The following LAMA1 variants were observed in gnomAD, a reference collection of about 807,000 sequenced individuals.
LAMA1 encodes the protein laminin subunit alpha 1.
A neutral mutation model predicts 348.7 loss-of-function variants in LAMA1; 219 were observed. The observed-to-expected ratio is 0.63, with a 90% CI of 0.56 to 0.70. LAMA1 has a LOEUF of 0.70. Ranked by LOEUF, LAMA1 falls within the 30% of genes least tolerant of loss-of-function variation. The probability of loss-of-function intolerance (pLI) is 0.00; values close to 1 mark genes in which losing one functional copy is unlikely to be tolerated. For missense variants in LAMA1, 3,744 were observed against 3,888.0 expected (o/e 0.96, Z 0.99); for synonymous variants, 1,487 against 1,491.0 (o/e 1.00, Z 0.06).
chr18:6,943,897 A>T (rs1009496460), intron 61 of LAMA1, among the ~76,000 whole-genome samples: 1 of 151,716 alleles, frequency 6.6e-6, no homozygotes, highest in Non-Finnish European at 1.5e-5. Context: ...CCCAAATTCC[A>T]GAAAGCGCAA....
intron 16 of LAMA1, among the ~76,000 whole-genome samples, chr18:7,027,938 A>T (rs972128173): frequency 1.6e-4 from 25 of 152,288 alleles, no homozygotes; most frequent in Middle Eastern, 3.4e-3. Context: ...GAGAGACTCC[A>T]TCTCAAAACA....
chr18:7,037,251 A>T (rs576972796), intron 12 of LAMA1, among the ~76,000 whole-genome samples: 43 of 152,248 alleles, frequency 2.8e-4, no homozygotes, highest in Non-Finnish European at 5.1e-4. Flanking sequence ...GGCAAACTAA[A>T]CAAAGCGGGA....
At chr18:7,095,968 T>C (rs924747960) in intron 1 of LAMA1, among the ~76,000 whole-genome samples, 3 of 152,190 alleles carry the variant, frequency 2.0e-5, no homozygotes, top group Non-Finnish European at 2.9e-5. Context: ...CTCAGAAGGC[T>C]GAGGCAGGGG....
At chr18:7,016,369 C>T (rs974985407) in intron 21 of LAMA1, 122 bp downstream of exon 21, 15 of 1,095,738 alleles carry the variant, frequency 1.4e-5, no homozygotes, top group Non-Finnish European at 2.0e-5. Context: ...GGTATGAAAT[C>T]CTCCAGGGAA....
At position 7,083,276 on chromosome 18, in the gene LAMA1, C is replaced by T. The variant is rs565098357; in HGVS notation, c.62-2819G>A. On this transcript the variant is annotated intron_variant, in intron 1 of 62. Coordinates refer to ENST00000389658, the MANE Select transcript of LAMA1 (RefSeq NM_005559.4). ...TCTTGGCTCACTGCAACCTCCACCT[C>T]CCGGGTTCAAGCGATTCTCCTGCCT... Among the ~76,000 whole-genome samples, 5 of 151,484 alleles carry T rather than the reference C, an allele frequency of 3.3e-5. No homozygotes were observed. In the East Asian group the frequency reaches 7.8e-4, roughly 24 times the overall value.
chr18:6,942,149 G>A lies in LAMA1; in HGVS notation c.9158C>T (p.Ser3053Phe). ...LALIKSPQVQSFDFSRAFELH... is the reference protein window; with the variant it reads ...LALIKSPQVQFFDFSRAFELH... Reference sequence around the variant, plus strand: ...TTCGAACGCTCTGCTGAAGTCAAAGGACTGCACCTGCGGGCTCTTAATCAG... The same window carrying A: ...TTCGAACGCTCTGCTGAAGTCAAAGAACTGCACCTGCGGGCTCTTAATCAG... Residue 3053 changes from serine to phenylalanine, a missense_variant, in exon 63 of 63, where the codon TCC (serine) becomes TTC (phenylalanine). Ser to Phe is a radical substitution (Grantham distance 155, BLOSUM62 -2). Coordinates refer to ENST00000389658, the MANE Select transcript of LAMA1 (RefSeq NM_005559.4). The A allele has an allele frequency of 1.2e-6, 2 of 1,614,132 alleles. No individual in the cohort carries two copies. The highest frequency in any genetic ancestry group is 1.7e-6 in the Non-Finnish European group (2 of 1,180,028).
intron 19 of LAMA1, among the ~76,000 whole-genome samples, chr18:7,019,978 G>C (rs143193993): frequency 6.6e-6 from 1 of 151,724 alleles, no homozygotes; most frequent in Admixed American, 6.6e-5. Context: ...CACCATGCCC[G>C]GCCTATTATA....
intron 3 of LAMA1, among the ~76,000 whole-genome samples, chr18:7,064,103 G>T (rs2143752100): frequency 6.6e-6 from 1 of 152,102 alleles, no homozygotes; most frequent in South Asian, 2.1e-4. Flanking sequence ...AGGGTGTCAA[G>T]CCCCCATTCC....
At chr18:7,100,042 G>C (rs921034133) in intron 1 of LAMA1, among the ~76,000 whole-genome samples, 53 of 113,484 alleles carry the variant, frequency 4.7e-4, no homozygotes, top group African/African-American at 1.8e-3. Flanking sequence ...CTGGGCAACA[G>C]AGCCAGACTT....
intron 1 of LAMA1, among the ~76,000 whole-genome samples, chr18:7,085,986 T>C (rs1037655418): frequency 3.3e-5 from 5 of 152,246 alleles, no homozygotes; most frequent in African/African-American, 1.2e-4. Context: ...TAAGGTATTC[T>C]AATGACATGA....
chr18:7,027,908 A>C (rs1310634560), intron 16 of LAMA1, among the ~76,000 whole-genome samples: 10 of 152,164 alleles, frequency 6.6e-5, no homozygotes, highest in African/African-American at 2.4e-4. Context: ...ACGTGACTGC[A>C]CTCCAGCCTG....
chr18:7,099,920 G>A (rs1022457252), intron 1 of LAMA1, among the ~76,000 whole-genome samples: 1 of 151,796 alleles, frequency 6.6e-6, no homozygotes, highest in African/African-American at 2.4e-5. Context: ...TTAGCCGGGT[G>A]TGGTGGTGAG....
rs2058054233 is a variant in LAMA1, at chr18:7,049,359, G to C, written c.589-102C>G. 10 of 1,059,246 alleles carry C rather than the reference G, an allele frequency of 9.4e-6. No individual in the cohort carries two copies. In the East Asian group the frequency reaches 2.6e-4, roughly 27 times the overall value. The allele number at this position is 1,059,246 out of a possible 1,614,324, so 65.6% of individuals were successfully genotyped here. ...CTTTGGTCCAGGCTGGAGTGCAGTG[G>C]CACAATCTTGGCTCACTGTAACCTC... On this transcript the variant is annotated intron_variant, in intron 4 of 62. Transcript: ENST00000389658.
intron 9 of LAMA1, among the ~76,000 whole-genome samples, chr18:7,041,286 A>G (rs562334715): frequency 2.1e-4 from 32 of 152,304 alleles, no homozygotes; most frequent in Non-Finnish European, 3.5e-4. Flanking sequence ...GGGTTAAGTA[A>G]TTTCTATCTG....
chr18:7,032,235 T>C lies in LAMA1; in HGVS notation c.2164-59A>G, dbSNP rs2057973405. On this transcript the variant is annotated intron_variant, in intron 15 of 62. Coordinates refer to ENST00000389658, the MANE Select transcript of LAMA1 (RefSeq NM_005559.4). Reference sequence around the variant, plus strand: ...TACGTTACAAACAGAAACTGCTCAGTTGCCAGAGTACAGAAATGTCTTTTT... The same window carrying C: ...TACGTTACAAACAGAAACTGCTCAGCTGCCAGAGTACAGAAATGTCTTTTT... 1.1e-5 allele frequency: 12 copies of C among 1,072,582 alleles called. No homozygotes were observed. The South Asian group carries it at 1.4e-4, about 13-fold the overall frequency. The allele number at this position is 1,072,582 out of a possible 1,614,324, so 66.4% of individuals were successfully genotyped here. A position where few individuals can be genotyped will look rare whatever the true frequency, so the allele number is the denominator to read the frequency against.
Position 7,016,493 on chromosome 18 carries a change from GT to G in LAMA1, c.2986del (p.Thr996HisfsTer28), listed in dbSNP as rs587777679. 18 of 1,614,072 alleles carry G rather than the reference GT, an allele frequency of 1.1e-5. No individual in the cohort carries two copies. The highest frequency in any genetic ancestry group is 1.4e-5 in the Non-Finnish European group (17 of 1,180,030). ...GFYAYQDGSC[T>X]PCDCPHTQNT... ...CAAACAAGGAAATCAAGGCTTACGT[GT>G]ACAGCTACCATCCTGGTAGGCGTAG... On this transcript the variant is annotated frameshift_variant, in exon 21 of 63. Transcript: ENST00000389658. LOFTEE classifies it high-confidence loss of function.
intron 1 of LAMA1, among the ~76,000 whole-genome samples, chr18:7,105,156 A>C (rs905579670): frequency 6.6e-6 from 1 of 152,160 alleles, no homozygotes. Flanking sequence ...AGATAAGAGC[A>C]GACCAGGCGC....
At chr18:7,062,157 T>C (rs1483499706) in intron 3 of LAMA1, among the ~76,000 whole-genome samples, 1 of 152,210 alleles carries the variant, frequency 6.6e-6, no homozygotes, top group East Asian at 1.9e-4. Context: ...TGTGACCCAA[T>C]GCCCTGGTGG....
At position 6,950,722 on chromosome 18, in the gene LAMA1, C is replaced by T. The variant is rs1447640587; in HGVS notation, c.8397+60G>A. The stretch of plus-strand genomic sequence containing the variant: ...ATGTGCCTTTGAGAAATGGAGTGAA[C>T]CCGAGTGATAGATGGAACAGAACTC... On this transcript the variant is annotated intron_variant, in intron 58 of 62. Coordinates refer to ENST00000389658, the MANE Select transcript of LAMA1 (RefSeq NM_005559.4). The T allele has an allele frequency of 1.9e-6, 3 of 1,579,694 alleles. No individual in the cohort carries two copies. In the African/African-American group the frequency reaches 4.0e-5, roughly 21 times the overall value.
Sources: gnomAD v4.1 joint callset for allele counts (sites outside exome capture counted in the v4.1 genomes callset) on GRCh38, gnomAD v4.1.1 for gene constraint, MANE v1.5 for transcripts, NCBI Gene and HGNC (gene_info 2026-07-23, HGNC 2026-07-21) for gene names.